The following ESRRG variants were observed in gnomAD, a reference collection of about 807,000 sequenced individuals.
ESRRG encodes estrogen-related receptor gamma.
Under a neutral mutation model 44.0 loss-of-function variants are expected in ESRRG, and 13 were observed. The ratio of observed to expected loss-of-function variants is 0.30; its 90% CI spans 0.19 to 0.47. The LOEUF is 0.47. Among genes scored for constraint, ESRRG ranks in the 20% least tolerant of loss-of-function variants. ESRRG has a pLI of 1.00. For missense variants in ESRRG, 395 were observed against 580.6 expected, an observed-to-expected ratio of 0.68 and a Z score of 3.29; for synonymous variants, 215 against 214.6, an observed-to-expected ratio of 1.00 and a Z score of -0.02.
intron 3 of ESRRG, among the ~76,000 whole-genome samples, chr1:216,585,015 T>C (rs1183300338): frequency 6.6e-6 from 1 of 152,242 alleles, no homozygotes; most frequent in African/African-American, 2.4e-5. Flanking sequence ...CTGGAATTAT[T>C]TTAATTATTG....
intron 3 of ESRRG, among the ~76,000 whole-genome samples, chr1:216,637,452 A>G (rs1405995765): frequency 6.6e-6 from 1 of 152,224 alleles, no homozygotes; most frequent in East Asian, 1.9e-4. Context: ...CCTAAAATAA[A>G]GGTCTCCTTG....
chr1:216,950,185 C>A (rs181379265), intron 1 of ESRRG, among the ~76,000 whole-genome samples: 2 of 152,290 alleles, frequency 1.3e-5, no homozygotes, highest in Non-Finnish European at 2.9e-5. Context: ...GAATGTGCTT[C>A]ATTTACTATT....
intron 1 of ESRRG, among the ~76,000 whole-genome samples, chr1:217,106,392 G>GCACACACACACACA (rs3075354): frequency 1.7e-4 from 14 of 82,364 alleles, no homozygotes; most frequent in Admixed American, 7.3e-4. Flanking sequence ...ACTCACATAT[G>GCACACACACACACA]CACACACACA....
intron 2 of ESRRG, among the ~76,000 whole-genome samples, chr1:216,775,581 TTTTTTTTTTTTA>T (rs1236281712): frequency 8.4e-6 from 1 of 119,512 alleles, no homozygotes; most frequent in East Asian, 2.4e-4. Context: ...TTTTTTTTTT[TTTTTTTTTTTTA>T]GACAGCGTCT....
At chr1:216,664,726 T>C (rs1257942167) in intron 2 of ESRRG, among the ~76,000 whole-genome samples, 5 of 148,788 alleles carry the variant, frequency 3.4e-5, no homozygotes, top group East Asian at 3.9e-4. Flanking sequence ...AACCAAGCAC[T>C]GAAAAGAATA....
chr1:216,922,519 T>C (rs10863279), intron 2 of ESRRG, among the ~76,000 whole-genome samples: 75,656 of 152,038 alleles, frequency 0.5, 19,161 homozygotes, highest in Middle Eastern at 0.59. Context: ...TAGTGCTGGT[T>C]GCCTGTTCAT....
At chr1:216,727,833 G>C (rs2087863164), upstream of ESRRG, among the ~76,000 whole-genome samples, 1 of 151,896 alleles carries the variant, frequency 6.6e-6, no homozygotes, top group South Asian at 2.1e-4. Flanking sequence ...CCCATTCTCT[G>C]GGGAGCAACT....
chr1:216,650,982 G>A lies in ESRRG; in HGVS notation c.580C>T (p.Leu194=), dbSNP rs368530534. The A allele has an allele frequency of 6.2e-7, 1 of 1,604,866 alleles. No homozygotes were observed. Among genetic ancestry groups the A allele is most frequent in the Non-Finnish European group, 8.5e-7 (1 of 1,171,710 alleles). The change falls in exon 3 of 7, where the codon CTG becomes TTG. Residue 194 remains leucine, a synonymous_variant. Transcript: ENST00000408911. The part of the protein sequence containing the change: ...RFMKCLKVGM[L]KEGVRLDRVR... Reference sequence around the variant, plus strand: ...TAGCAAAGAGCCTTACCTTCTTTCAGCATGCCCACTTTTAAACACTTCATG... The same window carrying A: ...TAGCAAAGAGCCTTACCTTCTTTCAACATGCCCACTTTTAAACACTTCATG...
intron 1 of ESRRG, among the ~76,000 whole-genome samples, chr1:217,007,745 C>T (rs913766473): frequency 2.0e-5 from 3 of 152,232 alleles, no homozygotes; most frequent in South Asian, 2.1e-4. Context: ...TTCCTCCCTT[C>T]CCTCTTTTCT....
At chr1:216,638,983 G>T (rs1345766906) in intron 3 of ESRRG, among the ~76,000 whole-genome samples, 1 of 152,116 alleles carries the variant, frequency 6.6e-6, no homozygotes, top group East Asian at 1.9e-4. Context: ...TCCAAATTAC[G>T]TATGAATTGA....
chr1:216,618,731 T>C (rs1264430910), intron 3 of ESRRG, among the ~76,000 whole-genome samples: 5 of 152,142 alleles, frequency 3.3e-5, no homozygotes, highest in Non-Finnish European at 2.9e-5. Context: ...TCAAAAAAAA[T>C]GGTGTGATTT....
At chr1:216,783,242 A>T (rs1023447632) in intron 2 of ESRRG, among the ~76,000 whole-genome samples, 2 of 152,028 alleles carry the variant, frequency 1.3e-5, no homozygotes, top group Non-Finnish European at 2.9e-5. Flanking sequence ...ATTCCCTTAG[A>T]ACAACACATT....
chr1:216,973,575 C>A (rs1224228401), intron 1 of ESRRG, among the ~76,000 whole-genome samples: 1 of 152,060 alleles, frequency 6.6e-6, no homozygotes, highest in East Asian at 1.9e-4. Context: ...GCCTGTAATC[C>A]CAGCACTTTG....
chr1:216,753,981 G>C (rs2092276806), intron 2 of ESRRG, among the ~76,000 whole-genome samples: 1 of 152,026 alleles, frequency 6.6e-6, no homozygotes, highest in Non-Finnish European at 1.5e-5. Context: ...ACTCCACTCA[G>C]TGTTATCAAC....
intron 1 of ESRRG, chr1:216,714,415 T>C (rs1049958025): frequency 6.1e-6 from 1 of 162,726 alleles, no homozygotes; most frequent in Admixed American, 6.6e-5. Flanking sequence ...TTTTAGAACT[T>C]AGCAGGCATT....
intron 2 of ESRRG, among the ~76,000 whole-genome samples, chr1:216,749,870 C>A (rs1301050395): frequency 6.6e-6 from 1 of 152,130 alleles, no homozygotes; most frequent in East Asian, 1.9e-4. Flanking sequence ...ATGAAGTTAA[C>A]AGAAGAATTT....
intron 2 of ESRRG, among the ~76,000 whole-genome samples, chr1:216,655,603 T>C (rs566536349): frequency 3.3e-5 from 5 of 152,288 alleles, no homozygotes; most frequent in South Asian, 2.1e-4. Context: ...TCAGCTGAAG[T>C]GTATAGAAAT....
At chr1:216,958,282 G>T (rs1235868184) in intron 1 of ESRRG, among the ~76,000 whole-genome samples, 1 of 152,086 alleles carries the variant, frequency 6.6e-6, no homozygotes, top group African/African-American at 2.4e-5. Context: ...TGTTGTTCTT[G>T]AGTAAACACC....
rs34433548 is a variant in ESRRG at position 216,787,599 on chromosome 1, CAAAA to C, written c.-13-110112_-13-110109del. Among the ~76,000 whole-genome samples the C allele has an allele frequency of 4.3e-3, 332 of 76,432 alleles. 1 individual carries two copies. The highest frequency in any genetic ancestry group is 0.017 in the South Asian group (31 of 1,878). The allele number at this position is 76,432 out of a possible 152,430, so 50.1% of individuals were successfully genotyped here. ...CCTGGGTGACAGAGCAAGACTCCAT[CAAAA>C]AAAAAAAAAAAAAAAAAAAAATCCC... On this transcript the variant is annotated intron_variant, in intron 2 of 7. Transcript: ENST00000359162.
Sources: gnomAD v4.1 joint callset for allele counts (sites outside exome capture counted in the v4.1 genomes callset) on GRCh38, gnomAD v4.1.1 for gene constraint, MANE v1.5 for transcripts, NCBI Gene and HGNC (gene_info 2026-07-23, HGNC 2026-07-21) for gene names.